ECT2L: variants seen among roughly 807,000 people sequenced by gnomAD.
The protein encoded by ECT2L is epithelial cell-transforming sequence 2 oncogene-like.
A neutral mutation model predicts 122.8 loss-of-function variants in ECT2L; 126 were observed. The observed-to-expected ratio is 1.03, with a 90% confidence interval of 0.89 to 1.19. The LOEUF is 1.19. Among genes scored for constraint, ECT2L ranks in the 50% most tolerant of loss-of-function variants. The probability of loss-of-function intolerance (pLI) is 0.00; values close to 1 mark genes in which losing one functional copy is unlikely to be tolerated. For missense variants in ECT2L, 1,012 were observed against 1,064.1 expected (o/e 0.95, Z 0.68); for synonymous variants, 385 against 381.8 (o/e 1.01, Z -0.10).
At chr6:138,848,737 C>T (rs1777320605) in intron 8 of ECT2L, among the ~76,000 whole-genome samples, 1 of 152,144 alleles carries the variant, frequency 6.6e-6, no homozygotes, top group Non-Finnish European at 1.5e-5. Context: ...GGCATGGTGG[C>T]TTACACCTAT....
chr6:138,861,389 T>C (rs535798411), intron 10 of ECT2L, among the ~76,000 whole-genome samples: 1 of 152,316 alleles, frequency 6.6e-6, no homozygotes, highest in South Asian at 2.1e-4. Context: ...CGCCAGCATC[T>C]GTTGTTTCCT....
chr6:138,894,121 A>G (rs896218505), intron 20 of ECT2L, among the ~76,000 whole-genome samples: 3 of 152,072 alleles, frequency 2.0e-5, no homozygotes, highest in African/African-American at 7.2e-5. Flanking sequence ...CAGTGGCGCA[A>G]TCTCAGCTCA....
intron 1 of ECT2L, among the ~76,000 whole-genome samples, chr6:138,798,489 C>G (rs1382090127): frequency 6.6e-6 from 1 of 152,088 alleles, no homozygotes; most frequent in Non-Finnish European, 1.5e-5. Flanking sequence ...TCCTAGCATC[C>G]CTATCTACAA....
At chr6:138,884,942 G>T (rs1253759111) in intron 16 of ECT2L, among the ~76,000 whole-genome samples, 1 of 151,234 alleles carries the variant, frequency 6.6e-6, no homozygotes, top group Non-Finnish European at 1.5e-5. Flanking sequence ...GGCCCACCTG[G>T]TTGCAAAGTA....
intron 21 of ECT2L, 123 bp from the exon 22 acceptor site, chr6:138,902,377 A>G (rs1252169186): frequency 1.3e-6 from 1 of 788,328 alleles, no homozygotes; most frequent in Non-Finnish European, 2.0e-6. Context: ...TCTACACTGA[A>G]TATGTATTTC....
rs995428214 is a variant in ECT2L at position 138,889,093 on chromosome 6, CA to C, written c.2414+63del. 2.7e-4 allele frequency: 217 copies of C among 813,712 alleles called. No homozygotes were observed. In the African/African-American group the frequency reaches 3.3e-3, roughly 12 times the overall value. The allele number at this position is 813,712 out of a possible 1,614,324, so 50.4% of individuals were successfully genotyped here. A position where few individuals can be genotyped will look rare whatever the true frequency, so the allele number is the denominator to read the frequency against. On this transcript the variant is annotated intron_variant, in intron 20 of 21. Coordinates refer to ENST00000541398, the MANE Select transcript of ECT2L (RefSeq NM_001077706.3). Reference sequence around the variant, plus strand: ...CTTCCAAGCAGGTGACTGTCTTACTCATCCTGTAGCTCCAGCATTCAGTACA... The same window carrying C: ...CTTCCAAGCAGGTGACTGTCTTACTCTCCTGTAGCTCCAGCATTCAGTACA...
At chr6:138,855,635 A>G (rs1349143887) in intron 10 of ECT2L, among the ~76,000 whole-genome samples, 1 of 152,248 alleles carries the variant, frequency 6.6e-6, no homozygotes, top group East Asian at 1.9e-4. Context: ...TTAAAAGACT[A>G]GGTTACAAAG....
At chr6:138,843,618 A>T (rs1404079510) in intron 6 of ECT2L, among the ~76,000 whole-genome samples, 2 of 151,894 alleles carry the variant, frequency 1.3e-5, no homozygotes, top group African/African-American at 2.4e-5. Flanking sequence ...GGAAAATGGC[A>T]TTTAAAAAGG....
chr6:138,870,818 G>A (rs1778228192), intron 13 of ECT2L, among the ~76,000 whole-genome samples: 1 of 152,120 alleles, frequency 6.6e-6, no homozygotes, highest in Admixed American at 6.6e-5. Flanking sequence ...AGACCAGCCT[G>A]GCCAACATGG....
chr6:138,872,930 G>T (rs1274947265), intron 13 of ECT2L, among the ~76,000 whole-genome samples: 1 of 152,172 alleles, frequency 6.6e-6, no homozygotes, highest in African/African-American at 2.4e-5. Context: ...TCTCACATGT[G>T]AAAGACCTAA....
chr6:138,841,165 G>A (rs1019195053), intron 5 of ECT2L, among the ~76,000 whole-genome samples: 6 of 152,192 alleles, frequency 3.9e-5, no homozygotes, highest in Non-Finnish European at 5.9e-5. Context: ...TAATTATAGA[G>A]TATTTATTTC....
rs530375909 is a variant in ECT2L, at chr6:138,820,169, G to A, written c.179+5566G>A. On this transcript the variant is annotated intron_variant, in intron 4 of 21. Coordinates refer to ENST00000541398, the MANE Select transcript of ECT2L (RefSeq NM_001077706.3). ...GGTAAGTAACCCCCACCCTACCAAG[G>A]GTGGGTCAGGGTTGGACTAAATTCA... 1.2e-4 allele frequency among the ~76,000 whole-genome samples: 18 copies of A among 152,248 alleles called. No homozygotes were observed. The South Asian group carries it at 2.7e-3, about 23-fold the overall frequency.
At chr6:138,889,480 C>G (rs756624742) in intron 20 of ECT2L, among the ~76,000 whole-genome samples, 1 of 152,080 alleles carries the variant, frequency 6.6e-6, no homozygotes, top group Non-Finnish European at 1.5e-5. Flanking sequence ...TCACCATGCC[C>G]AGCTAATTTT....
chr6:138,861,088 A>T (rs913751256), intron 10 of ECT2L, among the ~76,000 whole-genome samples: 6 of 152,114 alleles, frequency 3.9e-5, no homozygotes, highest in African/African-American at 1.4e-4. Context: ...CTAGTATTCC[A>T]TGATGTATAT....
At chr6:138,880,627 T>C (rs1157049) in intron 14 of ECT2L, among the ~76,000 whole-genome samples, 59,186 of 152,030 alleles carry the variant, frequency 0.39, 11,781 homozygotes, top group Admixed American at 0.48. Context: ...GGACTCTGTC[T>C]TGTTCTCATC....
chr6:138,806,928 G>A (rs1284474043), intron 1 of ECT2L, among the ~76,000 whole-genome samples: 1 of 152,034 alleles, frequency 6.6e-6, no homozygotes, highest in Non-Finnish European at 1.5e-5. Flanking sequence ...ATTATATACT[G>A]TATTCTCTCA....
At chr6:138,852,557 T>C (rs1777486617) in intron 9 of ECT2L, among the ~76,000 whole-genome samples, 1 of 152,154 alleles carries the variant, frequency 6.6e-6, no homozygotes, top group Non-Finnish European at 1.5e-5. Context: ...AGTGAGTCCC[T>C]GAGACACCCG....
intron 1 of ECT2L, among the ~76,000 whole-genome samples, chr6:138,806,853 G>A (rs1775728714): frequency 6.6e-6 from 1 of 151,824 alleles, no homozygotes; most frequent in South Asian, 2.1e-4. Flanking sequence ...ACTACTGATA[G>A]CCTATTGTTG....
chr6:138,830,453 A>C (rs920286335), intron 4 of ECT2L, among the ~76,000 whole-genome samples: 1 of 152,176 alleles, frequency 6.6e-6, no homozygotes, highest in Non-Finnish European at 1.5e-5. Flanking sequence ...AGGGATGTCA[A>C]AAACGAATGG....
Sources: allele counts gnomAD v4.1 joint callset (sites outside exome capture counted in the v4.1 genomes callset), GRCh38; gene constraint gnomAD v4.1.1; transcripts MANE v1.5; gene names NCBI Gene and HGNC (gene_info 2026-07-23, HGNC 2026-07-21).